Variants in MYO9B observed in about 807,000 individuals in gnomAD.
MYO9B encodes unconventional myosin-IXb.
In MYO9B, 71 loss-of-function variants were observed where a neutral mutation model predicts 229.5. The ratio of observed to expected loss-of-function variants is 0.31; its 90% CI spans 0.26 to 0.38. The LOEUF is 0.38. Among genes scored for constraint, MYO9B ranks in the 10% least tolerant of loss-of-function variants. MYO9B has a pLI of 1.00. For missense variants in MYO9B, 2,255 were observed against 2,920.5 expected (o/e 0.77, Z 5.25); for synonymous variants, 1,185 against 1,235.8 (o/e 0.96, Z 0.86).
At chr19:17,114,032 G>A (rs549713414) in intron 2 of MYO9B, among the ~76,000 whole-genome samples, 64 of 152,206 alleles carry the variant, frequency 4.2e-4, no homozygotes, top group African/African-American at 1.3e-3. Context: ...GGACTGAGCA[G>A]CATCCTGATC....
chr19:17,087,147 C>T (rs954366956), intron 1 of MYO9B, among the ~76,000 whole-genome samples: 1 of 152,178 alleles, frequency 6.6e-6, no homozygotes, highest in Non-Finnish European at 1.5e-5. Flanking sequence ...AAGAAGGCAG[C>T]CTCCTCTGAA....
rs772505293 is a variant in MYO9B at position 17,166,499 on chromosome 19, GT to G, written c.1672-1433del. On this transcript the variant is annotated intron_variant, in intron 10 of 39. Transcript: ENST00000682292. ...TGCATTTTGTTACTGATATATTTAT[GT>G]TTTTTTTTTTCACTTTGAAGTTCAG... is the stretch of plus-strand genomic sequence containing the variant. 3.1e-3 allele frequency among the ~76,000 whole-genome samples: 457 copies of G among 145,194 alleles called. 13 individuals are homozygous for G. The East Asian group carries it at 0.072, about 23-fold the overall frequency.
intron 1 of MYO9B, among the ~76,000 whole-genome samples, chr19:17,078,614 T>C (rs2057507532): frequency 6.6e-6 from 1 of 151,808 alleles, no homozygotes; most frequent in African/African-American, 2.4e-5. Context: ...CCACAAGATA[T>C]TATGGGGGGA....
At chr19:17,198,076 G>T in intron 23 of MYO9B, 108 bp from the exon 24 acceptor site, 1 of 1,435,874 alleles carries the variant, frequency 7.0e-7, no homozygotes, top group Non-Finnish European at 9.3e-7. Context: ...AAAAAAAAAA[G>T]CAGGAAGTGA....
In MYO9B at chr19:17,212,138, C is replaced by T. The variant is rs1415933454; in HGVS notation, c.6302C>T (p.Ala2101Val). The change falls in exon 40 of 40, where the codon GCC becomes GTC. Residue 2101 changes from alanine to valine, a missense_variant. Physicochemically the swap from Ala to Val is moderately conservative, Grantham distance 64. This residue lies in a region of MYO9B where 331 missense variants were observed against 332.5 expected (regional missense o/e 1.00). Transcript: ENST00000682292. This position sits in a 1 kb window ranked among gnomAD's most constrained non-coding sequence, Gnocchi z 5.4. ...AAPVRRREPP[A>V]RRPDQIHSVY... is the part of the protein sequence containing the mutation. ...CCAGTGCGGCGCCGGGAGCCACCTG[C>T]CCGCCGCCCGGACCAGATACATTCC... 1.9e-6 allele frequency: 3 copies of T among 1,586,926 alleles called. No individual in the cohort carries two copies. The highest frequency in any genetic ancestry group is 1.3e-5 in the African/African-American group (1 of 74,266).
intron 2 of MYO9B, among the ~76,000 whole-genome samples, chr19:17,126,366 G>C (rs1045476663): frequency 2.6e-5 from 4 of 152,108 alleles, no homozygotes; most frequent in Non-Finnish European, 4.4e-5. Flanking sequence ...ACCTCCTGCC[G>C]ACCCATCCTG....
intron 2 of MYO9B, among the ~76,000 whole-genome samples, chr19:17,127,314 C>CT (rs1308465444): frequency 1.3e-5 from 2 of 149,106 alleles, no homozygotes; most frequent in African/African-American, 5.0e-5. Context: ...AATTTTTTGA[C>CT]TTTTTTTCTC....
Position 17,193,694 on chromosome 19 carries a change from AT to A in MYO9B, c.3128+633del, listed in dbSNP as rs761747103. ...GGAGTTCAAGACCAGCCTGGCCAATATAGCAAGATGCCATCTCTACACAAAA... is the reference window on the plus strand; with the variant it reads ...GGAGTTCAAGACCAGCCTGGCCAATAAGCAAGATGCCATCTCTACACAAAA... On this transcript the variant is annotated intron_variant, in intron 21 of 39. Transcript: ENST00000682292. This position sits in a 1 kb window ranked among gnomAD's most constrained non-coding sequence, Gnocchi z 4.3. Among the ~76,000 whole-genome samples the A allele has an allele frequency of 6.6e-6, 1 of 152,194 alleles. No homozygotes were observed. Among genetic ancestry groups the A allele is most frequent in the Non-Finnish European group, 1.5e-5 (1 of 68,036 alleles).
chr19:17,173,407 C>T (rs2072748016), intron 13 of MYO9B, among the ~76,000 whole-genome samples: 3 of 150,540 alleles, frequency 2.0e-5, no homozygotes, highest in South Asian at 2.1e-4. Flanking sequence ...TGGGTTCAAG[C>T]GATTCTCCTG....
In MYO9B at chr19:17,159,413, G is replaced by A; in HGVS notation, c.1348G>A (p.Val450Met). 6.2e-7 allele frequency: 1 copy of A among 1,608,686 alleles called. No individual in the cohort carries two copies. The highest frequency in any genetic ancestry group is 2.2e-5 in the East Asian group (1 of 44,742). ...QLLKVKREIL[V>M]EVLTKRKTVT... ...CAAACAGGTGAAGCGAGAAATCTTGGTGGAGGTTCTGACCAAAAGAAAAAC... is the reference window on the plus strand; with the variant it reads ...CAAACAGGTGAAGCGAGAAATCTTGATGGAGGTTCTGACCAAAAGAAAAAC... The change falls in exon 8 of 40, where the codon GTG (valine) becomes ATG (methionine). Residue 450 changes from valine (V) to methionine (M), a missense_variant. Around this residue, in one of 7 missense-constraint regions of MYO9B, gnomAD observed 220 missense variants for 404.5 expected, o/e 0.54. Coordinates refer to ENST00000682292, the MANE Select transcript of MYO9B (RefSeq NM_004145.4).
At position 17,155,473 on chromosome 19, in the gene MYO9B, G is replaced by A. The variant is rs141821703; in HGVS notation, c.1199+1058G>A. Among the ~76,000 whole-genome samples the A allele has an allele frequency of 4.9e-3, 753 of 152,264 alleles. 2 individuals carry two copies. The highest frequency in any genetic ancestry group is 0.017 in the African/African-American group (722 of 41,558). On this transcript the variant is annotated intron_variant, in intron 6 of 39. Transcript: ENST00000682292. ...TGGAATTACAAACACAAGCCACCGC[G>A]CCCAGCAATTTAAATTTTTTTAAAC...
chr19:17,091,078 C>T (rs2057633141), intron 1 of MYO9B, among the ~76,000 whole-genome samples: 1 of 152,218 alleles, frequency 6.6e-6, no homozygotes, highest in African/African-American at 2.4e-5. Context: ...ACCTCACAAG[C>T]CTCAGCAGCC....
At chr19:17,184,473 G>A (rs147631675) in intron 16 of MYO9B, 18 of 185,566 alleles carry the variant, frequency 9.7e-5, no homozygotes, top group African/African-American at 3.3e-4. Flanking sequence ...TGGCCTGTCC[G>A]ATGAGCTCAT....
intron 14 of MYO9B, chr19:17,177,803 A>G (rs1027797838): frequency 1.3e-5 from 2 of 152,620 alleles, no homozygotes; most frequent in Non-Finnish European, 2.9e-5. Context: ...TCAGCTGCTC[A>G]ATGCTAGATT....
intron 2 of MYO9B, among the ~76,000 whole-genome samples, chr19:17,123,630 G>A (rs960428420): frequency 5.3e-5 from 8 of 152,030 alleles, no homozygotes; most frequent in African/African-American, 1.9e-4. Flanking sequence ...TAGTAGAGAC[G>A]GGTCTTGAAC....
intron 38 of MYO9B, 102 bp downstream of exon 38, chr19:17,210,950 G>A: frequency 9.4e-7 from 1 of 1,065,576 alleles, no homozygotes; most frequent in African/African-American, 1.7e-5. Context: ...GTTTGGTCCT[G>A]TCATCCCTAA....
intron 2 of MYO9B, among the ~76,000 whole-genome samples, chr19:17,117,505 A>G (rs913805271): frequency 2.6e-5 from 4 of 152,198 alleles, no homozygotes; most frequent in African/African-American, 4.8e-5. Context: ...GGTAAAAGAA[A>G]GAAAGGGATG....
intron 10 of MYO9B, among the ~76,000 whole-genome samples, chr19:17,165,636 A>G (rs756646784): frequency 1.3e-5 from 2 of 152,132 alleles, no homozygotes; most frequent in African/African-American, 4.8e-5. Context: ...AACCAGGCAT[A>G]TAGTGGCACA....
rs1316598944 is a variant in MYO9B, at chr19:17,129,901, G to A, written c.841-15496G>A. Among the ~76,000 whole-genome samples the A allele has an allele frequency of 7.2e-5, 11 of 152,072 alleles. No individual in the cohort carries two copies. In the East Asian group the frequency reaches 1.4e-3, roughly 19 times the overall value. Reference sequence around the variant, plus strand: ...TGCAATCATAGCTCACTGTAGCCTCGACCTCCTGGACTCAAGCAATCCCTC... The same window carrying A: ...TGCAATCATAGCTCACTGTAGCCTCAACCTCCTGGACTCAAGCAATCCCTC... On this transcript the variant is annotated intron_variant, in intron 2 of 39. Coordinates refer to ENST00000682292, the MANE Select transcript of MYO9B (RefSeq NM_004145.4).
Sources: gnomAD v4.1 joint callset for allele counts (sites outside exome capture counted in the v4.1 genomes callset) on GRCh38, gnomAD v4.1.1 for gene constraint, gnomAD v4.1.1 regional missense constraint, Gnocchi (gnomAD v3.1) non-coding constraint, MANE v1.5 for transcripts, NCBI Gene and HGNC (gene_info 2026-07-23, HGNC 2026-07-21) for gene names.